The following SALL2 variants were observed in gnomAD, a reference collection of about 807,000 sequenced individuals.
SALL2 encodes sal-like protein 2.
Under a neutral mutation model 58.5 loss-of-function variants are expected in SALL2, and 32 were observed. That is an observed-to-expected ratio of 0.55 (90% CI 0.41 to 0.74). The LOEUF is 0.74. Among genes scored for constraint, SALL2 ranks in the 30% least tolerant of loss-of-function variants. The pLI is 0.00. For synonymous variants in SALL2, 516 were observed against 513.6 expected (o/e 1.00, Z -0.06); for missense variants, 1,201 against 1,268.9 (o/e 0.95, Z 0.81).
Position 21,522,105 on chromosome 14 carries a change from A to G in SALL2, c.*599T>C. 1.3e-6 allele frequency: 2 copies of G among 1,597,886 alleles called. No homozygotes were observed. The highest frequency in any genetic ancestry group is 1.7e-6 in the Non-Finnish European group (2 of 1,179,660). ...CTTCTCCTTGGCTTCCCTGGATCCC[A>G]TTGTTGGAGGCACCTTCCCAGCCAC... is the stretch of plus-strand genomic sequence containing the variant. On this transcript the variant is annotated 3_prime_UTR_variant, in exon 2 of 2. Transcript: ENST00000537235.
At chr14:21,536,951 G>A (rs1461819527) in intron 1 of SALL2, 1 of 1,604,246 alleles carries the variant, frequency 6.2e-7, no homozygotes, top group East Asian at 2.2e-5. Flanking sequence ...AGAGGGAGGG[G>A]CAACGCTCAC....
chr14:21,526,491 C>T, upstream of SALL2: 1 of 1,247,862 alleles, frequency 8.0e-7, no homozygotes, highest in Non-Finnish European at 1.0e-6. Flanking sequence ...GGCGCAGTGA[C>T]AGGTGCTGTG....
At chr14:21,526,406 G>A (rs1051501923), upstream of SALL2, 1 of 1,371,328 alleles carries the variant, frequency 7.3e-7, no homozygotes, top group Non-Finnish European at 9.4e-7. Flanking sequence ...GGAGGCGGGA[G>A]CTAGAGGAGG....
rs1224365988 is a variant in SALL2, at chr14:21,522,252, G to C, written c.*452C>G. The C allele has an allele frequency of 1.3e-6, 2 of 1,584,804 alleles. No homozygotes were observed. Among genetic ancestry groups the C allele is most frequent in the Non-Finnish European group, 1.7e-6 (2 of 1,172,930 alleles). On this transcript the variant is annotated 3_prime_UTR_variant, in exon 2 of 2. Coordinates refer to ENST00000537235, the MANE Select transcript of SALL2 (RefSeq NM_001364564.1). ...GAATGCCACATACTGGTTCTAGAAA[G>C]ATAGGGGACCCATACCCACCAGCTG...
intron 1 of SALL2, among the ~76,000 whole-genome samples, chr14:21,533,086 G>C (rs191613981): frequency 6.6e-6 from 1 of 152,272 alleles, no homozygotes; most frequent in African/African-American, 2.4e-5. Context: ...TTAGCCATGG[G>C]TGTTAGTTAT....
chr14:21,521,892 T>G lies in SALL2; in HGVS notation c.*812A>C, dbSNP rs1892045320. 7.6e-7 allele frequency: 1 copy of G among 1,316,772 alleles called. No homozygotes were observed. Among genetic ancestry groups the G allele is most frequent in the East Asian group, 2.5e-5 (1 of 39,338 alleles). The allele number at this position is 1,316,772 out of a possible 1,614,324, so 81.6% of individuals were successfully genotyped here. ...ATCAGGGGATTTACTGGGAAAATTT[T>G]CCTATGCCCTTCCTTCATTTCTCCC... On this transcript the variant is annotated 3_prime_UTR_variant, in exon 2 of 2. Transcript: ENST00000537235.
At position 21,525,370 on chromosome 14, in the gene SALL2, C is replaced by T. The variant is rs972483706; in HGVS notation, c.352G>A (p.Glu118Lys). ...GCGACCAGGAAATGCCCTGAAGACT[C>T]CTCTCCTCTCCTCTCTGGGCCCCAG... ...PTWGPERRGE[E>K]SSGHFLVAAT... is the part of the protein sequence containing the mutation. Residue 118 changes from glutamate to lysine, a missense_variant, in exon 2 of 2, where the codon GAG becomes AAG. By Grantham distance (56) the Glu-to-Lys change is moderately conservative. Transcript: ENST00000537235. The surrounding 1 kb of genome is among the most constrained non-coding windows in gnomAD (Gnocchi z 4.4). 6.2e-6 allele frequency: 10 copies of T among 1,606,910 alleles called. No individual in the cohort carries two copies. The highest frequency in any genetic ancestry group is 8.5e-6 in the Non-Finnish European group (10 of 1,175,150).
Position 21,522,485 on chromosome 14 carries a change from G to C in SALL2, c.*219C>G. 7.2e-7 allele frequency: 1 copy of C among 1,394,250 alleles called. No homozygotes were observed. The allele number at this position is 1,394,250 out of a possible 1,614,324, so 86.4% of individuals were successfully genotyped here. ...AGCTGCAGAGAATCTATGTTCCTCA[G>C]GTACAAAGAATGAGGAGGGAAGAAA... is the stretch of plus-strand genomic sequence containing the variant. On this transcript the variant is annotated 3_prime_UTR_variant, in exon 2 of 2. Transcript: ENST00000537235.
At position 21,522,738 on chromosome 14, in the gene SALL2, G is replaced by A; in HGVS notation, c.2984C>T (p.Pro995Leu). The change falls in exon 2 of 2, where the codon CCC becomes CTC. Residue 995 changes from proline to leucine, a missense_variant. Around this residue, in one of 3 missense-constraint regions of SALL2, gnomAD observed 675 missense variants for 683.8 expected, o/e 0.99. Coordinates refer to ENST00000537235, the MANE Select transcript of SALL2 (RefSeq NM_001364564.1). ...SPSITSTGLS[P>L]FPRKDDPTIP The stretch of plus-strand genomic sequence containing the variant: ...CGTGGGGTCATCTTTTCGGGGAAAG[G>A]GGGAGAGCCCTGTGGAGGTGATGGA... 1.3e-6 allele frequency: 2 copies of A among 1,535,932 alleles called. No individual in the cohort carries two copies. The highest frequency in any genetic ancestry group is 1.3e-5 in the South Asian group (1 of 77,244).
upstream of SALL2, chr14:21,526,465 C>T (rs1892319022): frequency 6.9e-6 from 9 of 1,297,018 alleles, no homozygotes; most frequent in Non-Finnish European, 7.9e-6. Flanking sequence ...GCTCAGAGCT[C>T]GGGAGAGTTT....
At chr14:21,526,429 G>A (rs1892317256), upstream of SALL2, 1 of 1,342,366 alleles carries the variant, frequency 7.4e-7, no homozygotes, top group Non-Finnish European at 9.6e-7. Context: ...GGAGAAGGGA[G>A]CGCTAGCGGG....
chr14:21,526,259 C>A lies in SALL2; in HGVS notation c.-132G>T, dbSNP rs1370141999. The A allele has an allele frequency of 1.0e-5, 14 of 1,400,824 alleles. No individual in the cohort carries two copies. Among genetic ancestry groups the A allele is most frequent in the Middle Eastern group, 2.5e-4 (1 of 3,964 alleles). 86.8% of individuals were successfully genotyped at this position (1,400,824 alleles called of 1,614,324 possible). On this transcript the variant is annotated 5_prime_UTR_variant, in exon 1 of 2. Coordinates refer to ENST00000537235, the MANE Select transcript of SALL2 (RefSeq NM_001364564.1). ...AGACTGCGGAGATGGAGATCGGCAG[C>A]GGCGGGGGCAGGGAGCAGCGGCGGA...
Position 21,524,872 on chromosome 14 carries a change from G to C in SALL2, c.850C>G (p.Pro284Ala), listed in dbSNP as rs201390640. ...CGCCCAACCCCTCCAGCAGAGAAAG[G>C]ATGCTGTGACCCCAGTGGGTGGTAA... is the stretch of plus-strand genomic sequence containing the variant. ...HLYHPLGSQH[P>A]FSAGGVGRSH... Residue 284 changes from proline (P) to alanine (A), a missense_variant, in exon 2 of 2, where the codon CCT (proline) becomes GCT (alanine). Transcript: ENST00000537235. The C allele has an allele frequency of 5.0e-6, 8 of 1,614,172 alleles. No homozygotes were observed. Among genetic ancestry groups the C allele is most frequent in the Non-Finnish European group, 6.8e-6 (8 of 1,179,994 alleles).
chr14:21,525,526 C>T lies in SALL2; in HGVS notation c.196G>A (p.Gly66Ser), dbSNP rs1320136786. 6 of 1,613,892 alleles carry T rather than the reference C, an allele frequency of 3.7e-6. No homozygotes were observed. Among genetic ancestry groups the T allele is most frequent in the Non-Finnish European group, 5.1e-6 (6 of 1,179,950 alleles). Residue 66 changes from glycine (G) to serine (S), a missense_variant, in exon 2 of 2, where the codon GGC becomes AGC. Gly to Ser is a moderately conservative substitution (Grantham distance 56). Transcript: ENST00000537235. The surrounding 1 kb of genome is among the most constrained non-coding windows in gnomAD (Gnocchi z 4.4). The part of the protein sequence containing the change: ...TDPPVMVIIG[G>S]QENPNNSSAS... ...GAAGAGTTGTTGGGGTTCTCCTGGC[C>T]CCCAATTATCACCATTACAGGAGGG...
chr14:21,521,932 G>T lies in SALL2; in HGVS notation c.*772C>A. 6.8e-7 allele frequency: 1 copy of T among 1,470,062 alleles called. No individual in the cohort carries two copies. The highest frequency in any genetic ancestry group is 9.0e-7 in the Non-Finnish European group (1 of 1,105,854). 91.1% of individuals were successfully genotyped at this position (1,470,062 alleles called of 1,614,324 possible). On this transcript the variant is annotated 3_prime_UTR_variant, in exon 2 of 2. Transcript: ENST00000537235. Reference sequence around the variant, plus strand: ...TCATTTCTCCCTACTTCCTAGGGTTGGGTCACCAATTACTGGAGCATCTTC... The same window carrying T: ...TCATTTCTCCCTACTTCCTAGGGTTTGGTCACCAATTACTGGAGCATCTTC...
chr14:21,526,014 T>TACCCCA, intron 1 of SALL2, 47 bp downstream of exon 1: 2 of 1,041,066 alleles, frequency 1.9e-6, no homozygotes, highest in Non-Finnish European at 2.9e-6. Context: ...CCCCTGCGCA[T>TACCCCA]CCCCCTCCGC....
rs990033435 is a variant in SALL2 at position 21,526,104 on chromosome 14, G to A, written c.24C>T (p.Ser8=). 2 of 1,539,498 alleles carry A rather than the reference G, an allele frequency of 1.3e-6. No homozygotes were observed. Among genetic ancestry groups the A allele is most frequent in the South Asian group, 2.4e-5 (2 of 84,290 alleles). ...CCCCGCAGGGCACCCCGAGACGAGA[G>A]CTCCTCTCGGATTCGTGCGCCATGG... is the stretch of plus-strand genomic sequence containing the variant. MAHESER[S]SRLGVPCGEP... is the part of the protein sequence containing the mutation. Residue 8 remains serine, a synonymous_variant, in exon 1 of 2, where the codon AGC becomes AGT. Transcript: ENST00000537235.
At position 21,522,371 on chromosome 14, in the gene SALL2, C is replaced by T; in HGVS notation, c.*333G>A. The T allele has an allele frequency of 7.0e-7, 1 of 1,435,844 alleles. No individual in the cohort carries two copies. The allele number at this position is 1,435,844 out of a possible 1,614,324, so 88.9% of individuals were successfully genotyped here. A position where few individuals can be genotyped will look rare whatever the true frequency, so the allele number is the denominator to read the frequency against. ...GGCTGCAATGCCAAATGTAGGTGCT[C>T]AGGTGCACCTACCAAAGGGAAAGGG... On this transcript the variant is annotated 3_prime_UTR_variant, in exon 2 of 2. Coordinates refer to ENST00000537235, the MANE Select transcript of SALL2 (RefSeq NM_001364564.1).
At position 21,522,578 on chromosome 14, in the gene SALL2, C is replaced by T. The variant is rs891809769; in HGVS notation, c.*126G>A. 1.4e-6 allele frequency: 2 copies of T among 1,421,762 alleles called. No individual in the cohort carries two copies. The highest frequency in any genetic ancestry group is 9.2e-7 in the Non-Finnish European group (1 of 1,090,148). The allele number at this position is 1,421,762 out of a possible 1,614,324, so 88.1% of individuals were successfully genotyped here. On this transcript the variant is annotated 3_prime_UTR_variant, in exon 2 of 2. Coordinates refer to ENST00000537235, the MANE Select transcript of SALL2 (RefSeq NM_001364564.1). Reference sequence around the variant, plus strand: ...AAGCTCAGGGACTACAGAAAAGCCACTAGGGACATAACATGTTAAGAACTT... The same window carrying T: ...AAGCTCAGGGACTACAGAAAAGCCATTAGGGACATAACATGTTAAGAACTT...
Sources: gnomAD v4.1 joint callset for allele counts (sites outside exome capture counted in the v4.1 genomes callset) on GRCh38, gnomAD v4.1.1 for gene constraint, gnomAD v4.1.1 regional missense constraint, Gnocchi (gnomAD v3.1) non-coding constraint, MANE v1.5 for transcripts, NCBI Gene and HGNC (gene_info 2026-07-23, HGNC 2026-07-21) for gene names.